The following COMMD1 variants were observed in gnomAD, a reference collection of about 807,000 sequenced individuals.
COMMD1 encodes copper metabolism domain containing 1.
A neutral mutation model predicts 17.2 loss-of-function variants in COMMD1; 10 were observed. The observed-to-expected ratio is 0.58, with a 90% confidence interval of 0.36 to 0.99. COMMD1 has a LOEUF of 0.99. Ranked by LOEUF, COMMD1 falls within the 50% of genes least tolerant of loss-of-function variation. The pLI is 0.01. For missense variants in COMMD1, 270 were observed against 231.8 expected (o/e 1.17, Z -1.07); for synonymous variants, 97 against 91.6 (o/e 1.06, Z -0.34).
At chr2:61,915,914 C>T (rs968947045) in intron 1 of COMMD1, 12 of 245,242 alleles carry the variant, frequency 4.9e-5, no homozygotes, top group Non-Finnish European at 8.1e-6. Flanking sequence ...TCAAGTGATC[C>T]TCCTGCCTCA....
intron 2 of COMMD1, among the ~76,000 whole-genome samples, chr2:62,027,634 ATGTTATGTTATGTTATGTTATGTTG>A (rs1290107213): frequency 6.8e-6 from 1 of 147,048 alleles, no homozygotes; most frequent in African/African-American, 2.7e-5. Context: ...ATGTTATGTT[ATGTTATGTTATGTTATGTTATGTTG>A]TGTTATGTTA....
chr2:61,942,534 C>T (rs577985698), intron 1 of COMMD1, among the ~76,000 whole-genome samples: 22 of 139,926 alleles, frequency 1.6e-4, no homozygotes, highest in African/African-American at 5.3e-4. Flanking sequence ...AGCCACTGTG[C>T]CTGGCCTTTT....
chr2:62,124,685 G>A (rs1573213639), intron 2 of COMMD1, among the ~76,000 whole-genome samples: 2 of 152,050 alleles, frequency 1.3e-5, no homozygotes, highest in African/African-American at 4.8e-5. Flanking sequence ...GAGTAGCTGG[G>A]GTTACAGGTT....
chr2:61,903,056 C>T (rs1473305734), upstream of COMMD1, among the ~76,000 whole-genome samples: 1 of 152,068 alleles, frequency 6.6e-6, no homozygotes, highest in Non-Finnish European at 1.5e-5. Context: ...TATAGTTTGT[C>T]ACTAAGTTTG....
chr2:61,898,392 C>A (rs2105161004), intron 1 of COMMD1, among the ~76,000 whole-genome samples: 1 of 152,288 alleles, frequency 6.6e-6, no homozygotes, highest in African/African-American at 2.4e-5. Context: ...AGAAGGATAG[C>A]TTGAGCCAGG....
chr2:61,976,367 A>G (rs1321381143), intron 1 of COMMD1, among the ~76,000 whole-genome samples: 1 of 152,208 alleles, frequency 6.6e-6, no homozygotes, highest in Non-Finnish European at 1.5e-5. Flanking sequence ...GGGAGTAGCT[A>G]CATTAATTTC....
intron 2 of COMMD1, among the ~76,000 whole-genome samples, chr2:62,058,253 A>G (rs1170511338): frequency 6.6e-6 from 1 of 152,264 alleles, no homozygotes; most frequent in Non-Finnish European, 1.5e-5. Context: ...TGCTGTTCAC[A>G]TGATCTATGT....
At chr2:62,119,987 T>G (rs1672701368) in intron 2 of COMMD1, among the ~76,000 whole-genome samples, 1 of 152,132 alleles carries the variant, frequency 6.6e-6, no homozygotes, top group South Asian at 2.1e-4. Flanking sequence ...TTTTTTATTA[T>G]TATTCTTTTT....
At chr2:62,113,346 C>T (rs975158242) in intron 2 of COMMD1, among the ~76,000 whole-genome samples, 1 of 151,834 alleles carries the variant, frequency 6.6e-6, no homozygotes, top group Non-Finnish European at 1.5e-5. Flanking sequence ...AGCAAGACAC[C>T]GTCTCAAAAA....
At chr2:61,901,620 C>A (rs568590487), upstream of COMMD1, among the ~76,000 whole-genome samples, 17 of 152,022 alleles carry the variant, frequency 1.1e-4, no homozygotes, top group Non-Finnish European at 1.9e-4. Flanking sequence ...GACACTCTGT[C>A]CCCCCACAAA....
intron 2 of COMMD1, among the ~76,000 whole-genome samples, chr2:62,047,535 A>C (rs1180079235): frequency 6.6e-6 from 1 of 150,986 alleles, no homozygotes; most frequent in East Asian, 1.9e-4. Context: ...GCTCACTGCA[A>C]CCTCCGCCTC....
intron 1 of COMMD1, among the ~76,000 whole-genome samples, chr2:61,909,365 AAG>A (rs1215126673): frequency 6.6e-6 from 1 of 152,230 alleles, no homozygotes; most frequent in Non-Finnish European, 1.5e-5. Context: ...AAGATAGATT[AAG>A]AGATATCAGT....
intron 2 of COMMD1, chr2:62,090,751 G>C (rs1380750869): frequency 6.6e-6 from 1 of 152,122 alleles, no homozygotes; most frequent in Non-Finnish European, 1.5e-5. Flanking sequence ...GAAGAATCAG[G>C]GTTCCAGGTA....
At chr2:62,058,703 C>T (rs936019674) in intron 2 of COMMD1, among the ~76,000 whole-genome samples, 1 of 151,942 alleles carries the variant, frequency 6.6e-6, no homozygotes, top group African/African-American at 2.4e-5. Flanking sequence ...CGTGCTACTA[C>T]ACTCAGCCTA....
At chr2:61,904,156 G>A (rs899235696), upstream of COMMD1, among the ~76,000 whole-genome samples, 134 of 151,636 alleles carry the variant, frequency 8.8e-4, no homozygotes, top group African/African-American at 3.1e-3. Context: ...GACTACAGGC[G>A]CCCGCCACTA....
chr2:62,042,557 G>A (rs12615311), intron 2 of COMMD1, among the ~76,000 whole-genome samples: 23,930 of 152,110 alleles, frequency 0.16, 1,956 homozygotes, highest in East Asian at 0.2. Context: ...GTGCCCACCC[G>A]GAACCCGCGA....
chr2:62,078,559 A>C (rs1029527288), intron 2 of COMMD1, among the ~76,000 whole-genome samples: 3 of 144,912 alleles, frequency 2.1e-5, no homozygotes, highest in African/African-American at 7.7e-5. Flanking sequence ...TCTCAAAAAA[A>C]AAAAAAAAAG....
At chr2:62,017,324 G>A (rs188380742) in intron 2 of COMMD1, among the ~76,000 whole-genome samples, 5 of 152,178 alleles carry the variant, frequency 3.3e-5, no homozygotes, top group Admixed American at 1.3e-4. Flanking sequence ...ACTGGCCTCC[G>A]TCCACACACA....
intron 2 of COMMD1, among the ~76,000 whole-genome samples, chr2:62,043,685 A>C (rs1670299586): frequency 6.6e-6 from 1 of 152,230 alleles, no homozygotes; most frequent in African/African-American, 2.4e-5. Context: ...ACCTTGACTA[A>C]GTACAGATTG....
Sources: allele counts gnomAD v4.1 joint callset (sites outside exome capture counted in the v4.1 genomes callset), GRCh38; gene constraint gnomAD v4.1.1; transcripts MANE v1.5; gene names NCBI Gene and HGNC (gene_info 2026-07-23, HGNC 2026-07-21).